Variants in CYTH3 observed in about 807,000 individuals in gnomAD.
CYTH3 encodes the protein cytohesin 3.
A neutral mutation model predicts 55.1 loss-of-function variants in CYTH3; 23 were observed. The ratio of observed to expected loss-of-function variants is 0.42; its 90% CI spans 0.30 to 0.59. The LOEUF is 0.59. CYTH3 is among the 20% of genes least tolerant of loss of function. The pLI is 0.20. For synonymous variants in CYTH3, 249 were observed against 194.9 expected (o/e 1.28, Z -2.31); for missense variants, 413 against 524.8 (o/e 0.79, Z 2.08).
chr7:6,199,969 A>G (rs971952867), intron 1 of CYTH3, among the ~76,000 whole-genome samples: 1 of 152,218 alleles, frequency 6.6e-6, no homozygotes, highest in African/African-American at 2.4e-5. Flanking sequence ...AACCACTAAC[A>G]AAGTGTGCAA....
At chr7:6,205,446 C>T (rs780365170) in intron 1 of CYTH3, among the ~76,000 whole-genome samples, 1 of 151,812 alleles carries the variant, frequency 6.6e-6, no homozygotes, top group African/African-American at 2.4e-5. Flanking sequence ...TGGCAGTGCA[C>T]GCCTGTAATC....
chr7:6,187,108 G>T lies in CYTH3; in HGVS notation c.191C>A (p.Thr64Asn). The stretch of plus-strand genomic sequence containing the variant: ...CATGGCTATCTGTTTGTTCCTCTGA[G>T]TCGTTTTGCTATTGGTGTGAAATAA... ...NLTSVEESKTTQRNKQIAMGR... is the reference protein window; with the variant it reads ...NLTSVEESKTNQRNKQIAMGR... Residue 64 changes from threonine to asparagine, a missense_variant, in exon 4 of 13, where the codon ACT becomes AAT. Thr to Asn is a moderately conservative substitution (Grantham distance 65). This residue lies in a region of CYTH3 where 152 missense variants were observed against 148.1 expected (regional missense o/e 1.03). Transcript: ENST00000350796. 6.2e-7 allele frequency: 1 copy of T among 1,614,122 alleles called. No individual in the cohort carries two copies. Among genetic ancestry groups the T allele is most frequent in the Non-Finnish European group, 8.5e-7 (1 of 1,180,006 alleles).
At chr7:6,272,410 G>GGGGGGGGGGGCCCCGCCCCCCC in intron 1 of CYTH3, 64 bp downstream of exon 1, 1 of 1,216,616 alleles carries the variant, frequency 8.2e-7, no homozygotes, top group Non-Finnish European at 1.1e-6. Context: ...CCGCGCCCTC[G>GGGGGGGGGGGCCCCGCCCCCCC]ACCCCCAGCC....
intron 1 of CYTH3, among the ~76,000 whole-genome samples, chr7:6,211,768 C>T (rs1784324366): frequency 6.6e-6 from 1 of 152,054 alleles, no homozygotes; most frequent in Non-Finnish European, 1.5e-5. Context: ...GAGGCTGAGG[C>T]GGGTGGACCA....
At chr7:6,200,552 A>T (rs530237367) in intron 1 of CYTH3, among the ~76,000 whole-genome samples, 6 of 152,290 alleles carry the variant, frequency 3.9e-5, no homozygotes, top group Admixed American at 1.3e-4. Flanking sequence ...ATTACTAATC[A>T]ATACTAATTT....
At chr7:6,269,896 T>G (rs1285610074) in intron 1 of CYTH3, among the ~76,000 whole-genome samples, 2 of 152,232 alleles carry the variant, frequency 1.3e-5, no homozygotes, top group South Asian at 2.1e-4. Context: ...TCAATTATCT[T>G]TGGCTTCTAC....
intron 4 of CYTH3, among the ~76,000 whole-genome samples, chr7:6,182,911 C>A (rs1783545698): frequency 6.6e-6 from 1 of 152,106 alleles, no homozygotes; most frequent in African/African-American, 2.4e-5. Context: ...CTTGGTGGTG[C>A]TTGGTGGGTG....
Position 6,215,061 on chromosome 7 carries a change from C to T in CYTH3, c.35-24530G>A, listed in dbSNP as rs146592485. 1.4e-3 allele frequency among the ~76,000 whole-genome samples: 219 copies of T among 152,254 alleles called. 2 individuals carry two copies. Among genetic ancestry groups the T allele is most frequent in the African/African-American group, 5.0e-3 (209 of 41,534 alleles). On this transcript the variant is annotated intron_variant, in intron 1 of 12. Transcript: ENST00000350796. Reference sequence around the variant, plus strand: ...TGTGAAGAAAATGGGATAGGATGCCCTCTCTTCCTCTGAGAATTCTGTTAC... The same window carrying T: ...TGTGAAGAAAATGGGATAGGATGCCTTCTCTTCCTCTGAGAATTCTGTTAC...
In CYTH3 at chr7:6,165,341, C is replaced by A. The variant is rs774705612; in HGVS notation, c.1059G>T (p.Gly353=). Residue 353 remains glycine (G), a synonymous_variant, in exon 12 of 13, where the codon GGG becomes GGT. Coordinates refer to ENST00000350796, the MANE Select transcript of CYTH3 (RefSeq NM_004227.4). ...CTGAGATCCGGTACACCACATGGTTCCCCTCTACCACGCGGCCGTCGGCCT... is the reference window on the plus strand; with the variant it reads ...CTGAGATCCGGTACACCACATGGTTACCCTCTACCACGCGGCCGTCGGCCT... ...KTEADGRVVE[G]NHVVYRISAP... 1.9e-6 allele frequency: 3 copies of A among 1,614,044 alleles called. No homozygotes were observed. Among genetic ancestry groups the A allele is most frequent in the Non-Finnish European group, 2.5e-6 (3 of 1,180,040 alleles).
chr7:6,247,418 G>A (rs1779848650), intron 1 of CYTH3, among the ~76,000 whole-genome samples: 1 of 150,436 alleles, frequency 6.6e-6, no homozygotes. Flanking sequence ...TACAGAAACA[G>A]CTCGTTTTTT....
In CYTH3 at chr7:6,171,011, G is replaced by A. The variant is rs200118878; in HGVS notation, c.563-33C>T. 160 of 1,612,168 alleles carry A rather than the reference G, an allele frequency of 9.9e-5. 1 individual carries two copies. The African/African-American group carries it at 1.1e-3, about 11-fold the overall frequency. On this transcript the variant is annotated intron_variant, in intron 7 of 12. Coordinates refer to ENST00000350796, the MANE Select transcript of CYTH3 (RefSeq NM_004227.4). The surrounding 1 kb of genome is among the most constrained non-coding windows in gnomAD (Gnocchi z 6.7). ...GAGTCCGGGGTGCTGGGCTCAGCCAGAACCTCCAGTGGACAGTGGGACCCC... is the reference window on the plus strand; with the variant it reads ...GAGTCCGGGGTGCTGGGCTCAGCCAAAACCTCCAGTGGACAGTGGGACCCC...
At chr7:6,262,374 C>T (rs1780374632) in intron 1 of CYTH3, among the ~76,000 whole-genome samples, 1 of 152,068 alleles carries the variant, frequency 6.6e-6, no homozygotes, top group African/African-American at 2.4e-5. Context: ...ACAACTAATC[C>T]CAAGCAGGAT....
At chr7:6,259,782 ATAATATATATAT>A (rs1291056305) in intron 1 of CYTH3, among the ~76,000 whole-genome samples, 1,981 of 22,126 alleles carry the variant, frequency 0.09, 63 homozygotes, top group Non-Finnish European at 0.096. Context: ...TTATATATAT[ATAATATATATAT>A]ATATATATAT....
intron 1 of CYTH3, among the ~76,000 whole-genome samples, chr7:6,271,975 C>T (rs1464046303): frequency 6.6e-6 from 1 of 152,176 alleles, no homozygotes; most frequent in Non-Finnish European, 1.5e-5. Flanking sequence ...GCTTTCCAAC[C>T]GTTTCCCCTG....
In CYTH3 at chr7:6,162,377, G is replaced by A. The variant is rs772796016; in HGVS notation, c.*2567C>T. The stretch of plus-strand genomic sequence containing the variant: ...CTGTCTCTGGAAAAAAGTATCTTTG[G>A]CCAGAGTTGGGACTAACAATTCAAG... On this transcript the variant is annotated 3_prime_UTR_variant, in exon 13 of 13. Transcript: ENST00000350796. The A allele has an allele frequency of 6.6e-6, 1 of 152,292 alleles. No individual in the cohort carries two copies. The highest frequency in any genetic ancestry group is 1.5e-5 in the Non-Finnish European group (1 of 68,048). The allele number at this position is 152,292 out of a possible 1,614,324, so 9.4% of individuals were successfully genotyped here. A position where few individuals can be genotyped will look rare whatever the true frequency, so the allele number is the denominator to read the frequency against.
rs141555189 is a variant in CYTH3, at chr7:6,166,127, G to A, written c.824-317C>T. On this transcript the variant is annotated intron_variant, in intron 9 of 12. Coordinates refer to ENST00000350796, the MANE Select transcript of CYTH3 (RefSeq NM_004227.4). ...GGCAGTGTGATGAAGTCAGGACTGC[G>A]CGCCTGGCTCTGTCCAGGACCTGAC... is the stretch of plus-strand genomic sequence containing the variant. 4.3e-3 allele frequency among the ~76,000 whole-genome samples: 661 copies of A among 152,290 alleles called. 12 individuals are homozygous for A. The highest frequency in any genetic ancestry group is 0.022 in the East Asian group (116 of 5,164).
intron 1 of CYTH3, among the ~76,000 whole-genome samples, chr7:6,271,209 G>C (rs1313774721): frequency 6.6e-6 from 1 of 152,106 alleles, no homozygotes; most frequent in Non-Finnish European, 1.5e-5. Flanking sequence ...TCAACTATAA[G>C]AACTGAACTC....
At chr7:6,165,052 G>A in intron 12 of CYTH3, 36 bp from the exon 13 acceptor site, 8 of 1,611,714 alleles carry the variant, frequency 5.0e-6, no homozygotes, top group South Asian at 1.1e-5. Context: ...GTTAGGTCGT[G>A]GGTGACACAC....
At chr7:6,179,702 C>CCCACACACACCCCACACA (rs1562881418) in intron 4 of CYTH3, among the ~76,000 whole-genome samples, 137 of 99,118 alleles carry the variant, frequency 1.4e-3, no homozygotes, top group African/African-American at 5.5e-3. Flanking sequence ...ACACACACAC[C>CCCACACACACCCCACACA]CCACACACAC....
Sources: allele counts gnomAD v4.1 joint callset (sites outside exome capture counted in the v4.1 genomes callset), GRCh38; gene constraint gnomAD v4.1.1; regional missense constraint gnomAD v4.1.1; non-coding constraint Gnocchi (gnomAD v3.1); transcripts MANE v1.5; gene names NCBI Gene and HGNC (gene_info 2026-07-23, HGNC 2026-07-21).